CCL17: variants seen among roughly 807,000 people sequenced by gnomAD.
CCL17 encodes C-C motif chemokine 17.
Under a neutral mutation model 7.4 loss-of-function variants are expected in CCL17, and 8 were observed. That is an observed-to-expected ratio of 1.09 (90% CI 0.64 to 1.96). CCL17 has a LOEUF of 1.96. CCL17 is among the 30% of genes most tolerant of loss of function. The probability of loss-of-function intolerance (pLI) is 0.00; values close to 1 mark genes in which losing one functional copy is unlikely to be tolerated. For missense variants in CCL17, 102 were observed against 113.0 expected (o/e 0.90, Z 0.44); for synonymous variants, 40 against 46.1 (o/e 0.87, Z 0.54).
chr16:57,403,537 TA>T (rs1902641892), upstream of CCL17, among the ~76,000 whole-genome samples: 1 of 32,780 alleles, frequency 3.1e-5, no homozygotes, highest in African/African-American at 2.4e-4. Flanking sequence ...TTATATATAT[TA>T]TAAATATATA....
chr16:57,403,949 G>A (rs1039139172), upstream of CCL17, among the ~76,000 whole-genome samples: 2 of 151,802 alleles, frequency 1.3e-5, no homozygotes, highest in East Asian at 1.9e-4. Flanking sequence ...GAGCCACCAC[G>A]CCCGGCCTAA....
At chr16:57,403,963 A>T (rs1027681356), upstream of CCL17, among the ~76,000 whole-genome samples, 2 of 151,898 alleles carry the variant, frequency 1.3e-5, no homozygotes, top group Non-Finnish European at 2.9e-5. Context: ...GGCCTAAAAA[A>T]GTTTGAAAAA....
At chr16:57,400,630 G>A (rs1902579336), upstream of CCL17, among the ~76,000 whole-genome samples, 1 of 152,138 alleles carries the variant, frequency 6.6e-6, no homozygotes, top group Admixed American at 6.5e-5. Flanking sequence ...GTTTCCATCT[G>A]AGCCTCATTT....
At chr16:57,409,955 C>T (rs1000508239) in intron 1 of CCL17, among the ~76,000 whole-genome samples, 11 of 152,300 alleles carry the variant, frequency 7.2e-5, no homozygotes, top group African/African-American at 2.4e-4. Context: ...AACAAATGCT[C>T]AATCCTTACT....
the CCL17 span, among the ~76,000 whole-genome samples, chr16:57,399,366 C>T: frequency 6.6e-6 from 1 of 152,172 alleles, no homozygotes; most frequent in Non-Finnish European, 1.5e-5. Flanking sequence ...CAGTGGTGGC[C>T]TGGGGAGAGG....
At chr16:57,401,783 T>G (rs1025908090), upstream of CCL17, among the ~76,000 whole-genome samples, 1 of 152,054 alleles carries the variant, frequency 6.6e-6, no homozygotes, top group African/African-American at 2.4e-5. Flanking sequence ...CCCACTCCTT[T>G]TGGTTGATTT....
intron 1 of CCL17, among the ~76,000 whole-genome samples, chr16:57,411,751 C>T (rs971047516): frequency 3.3e-5 from 5 of 152,222 alleles, no homozygotes; most frequent in Non-Finnish European, 5.9e-5. Flanking sequence ...AGGCCTGGTC[C>T]TGCACCTCTG....
intron 1 of CCL17, among the ~76,000 whole-genome samples, chr16:57,406,741 CA>C (rs2146534680): frequency 6.6e-6 from 1 of 152,240 alleles, no homozygotes; most frequent in Non-Finnish European, 1.5e-5. Context: ...GTTAGTTTTC[CA>C]GGTCATACCA....
intron 1 of CCL17, among the ~76,000 whole-genome samples, chr16:57,405,174 C>T (rs1015171562): frequency 2.6e-5 from 4 of 152,060 alleles, no homozygotes; most frequent in African/African-American, 9.7e-5. Context: ...AGGAAGGGGG[C>T]ATTACATGGT....
upstream of CCL17, among the ~76,000 whole-genome samples, chr16:57,400,398 G>C (rs1196207487): frequency 6.6e-6 from 1 of 151,278 alleles, no homozygotes; most frequent in Admixed American, 6.6e-5. Flanking sequence ...ACAGGAACTA[G>C]ACAGGGGCAA....
chr16:57,398,779 T>C, the CCL17 span, among the ~76,000 whole-genome samples: 3 of 152,234 alleles, frequency 2.0e-5, no homozygotes, highest in African/African-American at 4.8e-5. Flanking sequence ...TAGAGTAGCC[T>C]GCTGGCATGA....
At chr16:57,409,067 G>A (rs550006129) in intron 1 of CCL17, among the ~76,000 whole-genome samples, 1 of 152,270 alleles carries the variant, frequency 6.6e-6, no homozygotes, top group African/African-American at 2.4e-5. Flanking sequence ...GGATAAGTTG[G>A]AACACAAAAG....
the CCL17 span, among the ~76,000 whole-genome samples, chr16:57,398,015 A>G: frequency 1.3e-5 from 2 of 152,174 alleles, no homozygotes; most frequent in African/African-American, 4.8e-5. Flanking sequence ...GTCATGCTCA[A>G]TTGGTTCCCC....
At chr16:57,409,393 G>A (rs1428920787) in intron 1 of CCL17, among the ~76,000 whole-genome samples, 1 of 152,234 alleles carries the variant, frequency 6.6e-6, no homozygotes, top group African/African-American at 2.4e-5. Flanking sequence ...GTGGGTGATG[G>A]AGCTGGAGGA....
chr16:57,409,056 G>A (rs9302690), intron 1 of CCL17, among the ~76,000 whole-genome samples: 33,539 of 152,170 alleles, frequency 0.22, 7,368 homozygotes, highest in African/African-American at 0.57. Flanking sequence ...AAGTCCTGGA[G>A]GGATAAGTTG....
chr16:57,411,531 A>G (rs1902784856), intron 1 of CCL17, among the ~76,000 whole-genome samples: 2 of 152,254 alleles, frequency 1.3e-5, no homozygotes, highest in South Asian at 4.1e-4. Flanking sequence ...CCGGGACTGC[A>G]GCTGCTTCAT....
intron 1 of CCL17, among the ~76,000 whole-genome samples, chr16:57,407,961 T>C (rs1902722470): frequency 6.6e-6 from 1 of 151,312 alleles, no homozygotes; most frequent in South Asian, 2.1e-4. Flanking sequence ...CACACATCCA[T>C]CTACCATCCA....
intron 1 of CCL17, among the ~76,000 whole-genome samples, chr16:57,410,611 A>C (rs887957575): frequency 2.2e-4 from 34 of 152,116 alleles, no homozygotes; most frequent in African/African-American, 8.0e-4. Context: ...CAGCATAAAG[A>C]TCTCTCAAGA....
chr16:57,398,060 G>A, the CCL17 span, among the ~76,000 whole-genome samples: 619 of 152,218 alleles, frequency 4.1e-3, 8 homozygotes, highest in African/African-American at 0.013. Flanking sequence ...GCTGAGGGCC[G>A]CACAGGTGCA....
Sources: allele counts gnomAD v4.1 joint callset (sites outside exome capture counted in the v4.1 genomes callset), GRCh38; gene constraint gnomAD v4.1.1; transcripts MANE v1.5; gene names NCBI Gene and HGNC (gene_info 2026-07-23, HGNC 2026-07-21).